PLCG2: variants seen among roughly 807,000 people sequenced by gnomAD.
PLCG2 encodes phospholipase C gamma 2, also known as 1-phosphatidylinositol 4,5-bisphosphate phosphodiesterase gamma-2.
PLCG2 carries 69 observed loss-of-function variants against 175.6 expected under a neutral mutation model. The ratio of observed to expected loss-of-function variants is 0.39; its 90% CI spans 0.32 to 0.48. The LOEUF is 0.48. Among genes scored for constraint, PLCG2 ranks in the 20% least tolerant of loss-of-function variants. The pLI is 0.91. For synonymous variants in PLCG2, 827 were observed against 624.0 expected (o/e 1.33, Z -4.85); for missense variants, 1,798 against 1,650.9 (o/e 1.09, Z -1.54).
chr16:81,875,719 T>A (rs1452391028), intron 7 of PLCG2, among the ~76,000 whole-genome samples: 1 of 152,214 alleles, frequency 6.6e-6, no homozygotes, highest in African/African-American at 2.4e-5. Context: ...AAGTCCCCTG[T>A]GGTTACAGCA....
chr16:81,840,395 T>A (rs1905759393), intron 2 of PLCG2, among the ~76,000 whole-genome samples: 2 of 152,278 alleles, frequency 1.3e-5, no homozygotes, highest in South Asian at 4.1e-4. Flanking sequence ...TGAGGATGAT[T>A]CAAGGGCATT....
chr16:81,782,048 AT>A (rs920453688), intron 1 of PLCG2, among the ~76,000 whole-genome samples: 1 of 150,462 alleles, frequency 6.6e-6, no homozygotes, highest in Non-Finnish European at 1.5e-5. Context: ...ATTGTTTTGT[AT>A]TTTTTTTTAG....
chr16:81,905,547 C>A (rs550510703), intron 15 of PLCG2, 40 bp downstream of exon 15: 13 of 1,302,064 alleles, frequency 1.0e-5, no homozygotes, highest in African/African-American at 2.9e-5. Context: ...GCGGCCACGC[C>A]CCTTGCAGCT....
chr16:81,820,744 C>T (rs1182256969), intron 2 of PLCG2, among the ~76,000 whole-genome samples: 1 of 152,200 alleles, frequency 6.6e-6, no homozygotes, highest in Non-Finnish European at 1.5e-5. Context: ...CCTCAGCCTC[C>T]TGAGTAGCTG....
chr16:81,741,617 C>G (rs562466063), intron 1 of PLCG2, among the ~76,000 whole-genome samples: 85 of 152,130 alleles, frequency 5.6e-4, no homozygotes, highest in Admixed American at 3.9e-3. Flanking sequence ...CAAGACCAGC[C>G]TGGCCAACAT....
intron 2 of PLCG2, among the ~76,000 whole-genome samples, chr16:81,802,280 T>C (rs1404384653): frequency 6.7e-6 from 1 of 148,856 alleles, no homozygotes; most frequent in African/African-American, 2.5e-5. Flanking sequence ...GCCCAGCTAA[T>C]TTTTTGTATT....
Position 81,812,345 on chromosome 16 carries a change from G to A in PLCG2, c.193+26163G>A, listed in dbSNP as rs1000976378. Among the ~76,000 whole-genome samples, 11 of 151,988 alleles carry A rather than the reference G, an allele frequency of 7.2e-5. No homozygotes were observed. The East Asian group carries it at 7.7e-4, about 11-fold the overall frequency. ...ATTACAGGCGTGAGCCACCGCACCC[G>A]GCCTGTTGTTTACTGACTTTTTAAT... On this transcript the variant is annotated intron_variant, in intron 2 of 32. Transcript: ENST00000564138.
intron 2 of PLCG2, among the ~76,000 whole-genome samples, chr16:81,763,438 G>A (rs1322780392): frequency 6.6e-6 from 1 of 152,208 alleles, no homozygotes; most frequent in Non-Finnish European, 1.5e-5. Flanking sequence ...ATGCCAACTT[G>A]GGCTGGGGCC....
At chr16:81,942,913 CAAT>C (rs1911004814) in intron 30 of PLCG2, among the ~76,000 whole-genome samples, 1 of 143,576 alleles carries the variant, frequency 7.0e-6, no homozygotes. Context: ...AGAAGAAAAA[CAAT>C]TATTTTTTTT....
At position 81,956,846 on chromosome 16, in the gene PLCG2, A is replaced by G; in HGVS notation, c.3722A>G (p.Gln1241Arg). Reference sequence around the variant, plus strand: ...AAAGAGTTCAGTGTTAATGAGAACCAGCTCCAGCTGTACCAGGAGAAATGC... The same window carrying G: ...AAAGAGTTCAGTGTTAATGAGAACCGGCTCCAGCTGTACCAGGAGAAATGC... The part of the protein sequence containing the change: ...LVKEFSVNEN[Q>R]LQLYQEKCNK... The change falls in exon 32 of 33, where the codon CAG becomes CGG. Residue 1241 changes from glutamine to arginine, a missense_variant. Physicochemically the swap from Gln to Arg is conservative, Grantham distance 43. Coordinates refer to ENST00000564138, the MANE Select transcript of PLCG2 (RefSeq NM_002661.5). 1 of 1,614,102 alleles carries G rather than the reference A, an allele frequency of 6.2e-7. No homozygotes were observed. Among genetic ancestry groups the G allele is most frequent in the Non-Finnish European group, 8.5e-7 (1 of 1,179,962 alleles).
At chr16:81,767,999 C>G (rs1039068777) in intron 2 of PLCG2, 1 of 152,272 alleles carries the variant, frequency 6.6e-6, no homozygotes, top group African/African-American at 2.4e-5. Context: ...AAGCGATTCT[C>G]CTTCCTCAGC....
At chr16:81,888,203 A>T (rs1908460974) in intron 9 of PLCG2, among the ~76,000 whole-genome samples, 1 of 152,290 alleles carries the variant, frequency 6.6e-6, no homozygotes, top group East Asian at 1.9e-4. Context: ...ACAAGCTGCC[A>T]CGGTCAGAGT....
chr16:81,751,411 G>C (rs545764557), intron 1 of PLCG2, among the ~76,000 whole-genome samples: 1 of 152,310 alleles, frequency 6.6e-6, no homozygotes, highest in East Asian at 1.9e-4. Context: ...CTTATATGTG[G>C]AATCTAAAAC....
intron 32 of PLCG2, among the ~76,000 whole-genome samples, chr16:81,957,583 G>C (rs1911626009): frequency 6.6e-6 from 1 of 152,066 alleles, no homozygotes; most frequent in Admixed American, 6.5e-5. Context: ...GCATGTAATG[G>C]GGTGCGGGGC....
In PLCG2 at chr16:81,938,785, C is replaced by T. The variant is rs201410855; in HGVS notation, c.3199-16C>T. On this transcript the variant is annotated splice_polypyrimidine_tract_variant and intron_variant, in intron 28 of 32. Coordinates refer to ENST00000564138, the MANE Select transcript of PLCG2 (RefSeq NM_002661.5). ...GGACCCCAGGGGGGTTCCAATGCTTCCCTTTGGTGTCCCAGGTTCTCGGTG... is the reference window on the plus strand; with the variant it reads ...GGACCCCAGGGGGGTTCCAATGCTTTCCTTTGGTGTCCCAGGTTCTCGGTG... 57 of 1,541,904 alleles carry T rather than the reference C, an allele frequency of 3.7e-5. No homozygotes were observed. The highest frequency in any genetic ancestry group is 1.7e-4 in the Middle Eastern group (1 of 5,908).
intron 31 of PLCG2, among the ~76,000 whole-genome samples, chr16:81,950,959 A>AAAAGAATAAAACATTCTGGTTTATC (rs540836371): frequency 3.2e-3 from 490 of 152,320 alleles, no homozygotes; most frequent in Middle Eastern, 0.01. Context: ...TAAAAGGATA[A>AAAAGAATAAAACATTCTGGTTTATC]AAAGAATAAA....
At chr16:81,928,100 A>AGCTG (rs1910351806) in intron 23 of PLCG2, among the ~76,000 whole-genome samples, 1 of 152,090 alleles carries the variant, frequency 6.6e-6, no homozygotes, top group Non-Finnish European at 1.5e-5. Context: ...TGGGAGGCAG[A>AGCTG]GCTGGAAAGG....
rs4889420 is a variant in PLCG2, at chr16:81,869,450, G to A, written c.564+152G>A. The A allele has an allele frequency of 0.59, 368,879 of 627,396 alleles. 110,258 individuals are homozygous for A. The highest frequency in any genetic ancestry group is 0.62 in the South Asian group (34,077 of 55,218). The allele number at this position is 627,396 out of a possible 1,614,324, so 38.9% of individuals were successfully genotyped here. A position where few individuals can be genotyped will look rare whatever the true frequency, so the allele number is the denominator to read the frequency against. ...ATCTTAGTTCAGACAGAGGGATCATGGACATATCTGAGGACCATCGTCTCA... is the reference window on the plus strand; with the variant it reads ...ATCTTAGTTCAGACAGAGGGATCATAGACATATCTGAGGACCATCGTCTCA... On this transcript the variant is annotated intron_variant, in intron 6 of 32. Transcript: ENST00000564138.
intron 2 of PLCG2, among the ~76,000 whole-genome samples, chr16:81,798,040 A>G (rs1179101588): frequency 6.6e-6 from 1 of 152,066 alleles, no homozygotes; most frequent in Non-Finnish European, 1.5e-5. Context: ...CATGTTGACC[A>G]GGCTGGCCTT....
Sources: gnomAD v4.1 joint callset for allele counts (sites outside exome capture counted in the v4.1 genomes callset) on GRCh38, gnomAD v4.1.1 for gene constraint, MANE v1.5 for transcripts, NCBI Gene and HGNC (gene_info 2026-07-23, HGNC 2026-07-21) for gene names.